ACVR2A: variants seen among roughly 807,000 people sequenced by gnomAD.
ACVR2A encodes the protein activin A receptor type 2A, also known as activin receptor type-2A.
ACVR2A carries 7 observed loss-of-function variants against 61.4 expected under a neutral mutation model. The ratio of observed to expected loss-of-function variants is 0.11; its 90% confidence interval spans 0.06 to 0.21. ACVR2A has a LOEUF of 0.21. Ranked by LOEUF, ACVR2A falls within the 10% of genes least tolerant of loss-of-function variation. The probability of loss-of-function intolerance (pLI) is 1.00; values close to 1 mark genes in which losing one functional copy is unlikely to be tolerated. For synonymous variants in ACVR2A, 193 were observed against 208.3 expected (o/e 0.93, Z 0.63); for missense variants, 322 against 621.7 (o/e 0.52, Z 5.13).
chr2:147,927,434 C>CT lies in ACVR2A; in HGVS notation c.*162dup, dbSNP rs982760973. On this transcript the variant is annotated 3_prime_UTR_variant, in exon 11 of 11. Coordinates refer to ENST00000241416, the MANE Select transcript of ACVR2A (RefSeq NM_001616.5). ...TGTTGAAAAATGTTGCTCTGGGAGA[C>CT]TTACTGCATTGCCGACAGCACAGAT... 63 of 668,748 alleles carry CT rather than the reference C, an allele frequency of 9.4e-5. No individual in the cohort carries two copies. The highest frequency in any genetic ancestry group is 4.2e-4 in the Admixed American group (12 of 28,694). 41.4% of individuals were successfully genotyped at this position (668,748 alleles called of 1,614,324 possible). A position where few individuals can be genotyped will look rare whatever the true frequency, so the allele number is the denominator to read the frequency against.
At chr2:147,859,288 G>T (rs1685665127) in intron 1 of ACVR2A, among the ~76,000 whole-genome samples, 1 of 151,984 alleles carries the variant, frequency 6.6e-6, no homozygotes, top group Admixed American at 6.6e-5. Flanking sequence ...ACCTGCTGGG[G>T]TTTGCATCCT....
intron 5 of ACVR2A, 60 bp from the exon 6 acceptor site, chr2:147,917,223 T>C (rs1687266676): frequency 7.8e-6 from 12 of 1,532,782 alleles, no homozygotes; most frequent in Middle Eastern, 1.7e-4. Context: ...TAATCTCTTA[T>C]GCATGGTTTA....
At chr2:147,905,688 A>G (rs1686972464) in intron 4 of ACVR2A, among the ~76,000 whole-genome samples, 1 of 152,014 alleles carries the variant, frequency 6.6e-6, no homozygotes, top group Non-Finnish European at 1.5e-5. Context: ...CTTACTTTAA[A>G]TATATACTTC....
At chr2:147,908,718 CAA>C (rs1276553070) in intron 4 of ACVR2A, among the ~76,000 whole-genome samples, 1 of 151,940 alleles carries the variant, frequency 6.6e-6, no homozygotes, top group Non-Finnish European at 1.5e-5. Flanking sequence ...TAAGAGGAAA[CAA>C]ATTCAGAATT....
At position 147,918,653 on chromosome 2, in the gene ACVR2A, C is replaced by A. The variant is rs941155519; in HGVS notation, c.962+61C>A. The A allele has an allele frequency of 9.9e-6, 14 of 1,420,106 alleles. No homozygotes were observed. The South Asian group carries it at 2.1e-4, about 22-fold the overall frequency. 88.0% of individuals were successfully genotyped at this position (1,420,106 alleles called of 1,614,324 possible). ...AGTATATATTTACTAAACTTTTAAG[C>A]CCCTGGGTAAATTTTAATTTTTCCT... On this transcript the variant is annotated intron_variant, in intron 7 of 10. Transcript: ENST00000241416.
chr2:147,875,467 T>C (rs532165304), intron 1 of ACVR2A, among the ~76,000 whole-genome samples: 1 of 152,150 alleles, frequency 6.6e-6, no homozygotes, highest in African/African-American at 2.4e-5. Context: ...ACATAACTAA[T>C]AGAATCTCTT....
At chr2:147,867,214 T>A (rs1573919730) in intron 1 of ACVR2A, among the ~76,000 whole-genome samples, 3 of 152,194 alleles carry the variant, frequency 2.0e-5, no homozygotes, top group East Asian at 3.9e-4. Flanking sequence ...AGTAGTGAAA[T>A]GTAGATGAGG....
At chr2:147,919,593 A>G (rs1313851603) in intron 7 of ACVR2A, among the ~76,000 whole-genome samples, 1 of 152,160 alleles carries the variant, frequency 6.6e-6, no homozygotes, top group Admixed American at 6.6e-5. Flanking sequence ...ACTAGGGTAT[A>G]GTAATCTCTA....
At chr2:147,849,669 A>G (rs549559493) in intron 1 of ACVR2A, among the ~76,000 whole-genome samples, 92 of 152,332 alleles carry the variant, frequency 6.0e-4, no homozygotes, top group South Asian at 2.9e-3. Flanking sequence ...GATAAGAATT[A>G]CAGTGAAACT....
At chr2:147,861,235 T>C (rs1198543980) in intron 1 of ACVR2A, among the ~76,000 whole-genome samples, 2 of 152,230 alleles carry the variant, frequency 1.3e-5, no homozygotes, top group South Asian at 2.1e-4. Context: ...AGTGAATGTA[T>C]TCACAATATT....
intron 1 of ACVR2A, among the ~76,000 whole-genome samples, chr2:147,873,999 TAGAG>T (rs1194821306): frequency 1.3e-5 from 2 of 151,858 alleles, no homozygotes; most frequent in Admixed American, 1.3e-4. Flanking sequence ...GCTAATATAG[TAGAG>T]AGGAAGAGTC....
chr2:147,848,382 A>G (rs1685368158), intron 1 of ACVR2A, among the ~76,000 whole-genome samples: 1 of 152,000 alleles, frequency 6.6e-6, no homozygotes, highest in South Asian at 2.1e-4. Context: ...ATCCCCATCC[A>G]TGGGACATTT....
intron 2 of ACVR2A, among the ~76,000 whole-genome samples, chr2:147,897,801 A>G (rs1254008404): frequency 1.3e-5 from 2 of 152,148 alleles, no homozygotes; most frequent in African/African-American, 4.8e-5. Context: ...AAGTATGTGA[A>G]TTTTCCAGGG....
chr2:147,925,888 T>G (rs1012315054), intron 9 of ACVR2A, 143 bp from the exon 10 acceptor site: 1 of 785,030 alleles, frequency 1.3e-6, no homozygotes, highest in Admixed American at 2.7e-5. Flanking sequence ...ATAAGTACAG[T>G]TGAGAGTCTG....
chr2:147,895,083 G>A (rs1558806060), intron 1 of ACVR2A, among the ~76,000 whole-genome samples: 1 of 152,022 alleles, frequency 6.6e-6, no homozygotes, highest in Non-Finnish European at 1.5e-5. Flanking sequence ...TAAAATATAT[G>A]TACAAACCAG....
intron 1 of ACVR2A, among the ~76,000 whole-genome samples, chr2:147,894,936 A>G (rs572187396): frequency 6.6e-6 from 1 of 152,140 alleles, no homozygotes; most frequent in Non-Finnish European, 1.5e-5. Context: ...GTGTCAGTCT[A>G]CACATATGTG....
rs138917994 is a variant in ACVR2A at position 147,899,804 on chromosome 2, T to G, written c.434T>G (p.Val145Gly). The change falls in exon 4 of 11, where the codon GTG becomes GGG. Residue 145 changes from valine to glycine, a missense_variant. By Grantham distance (109) the Val-to-Gly change is moderately radical (BLOSUM62 -3). Coordinates refer to ENST00000241416, the MANE Select transcript of ACVR2A (RefSeq NM_001616.5). Reference sequence around the variant, plus strand: ...TACAACATCCTGCTCTATTCCTTGGTGCCACTTATGTTAATTGCGGGGATT... The same window carrying G: ...TACAACATCCTGCTCTATTCCTTGGGGCCACTTATGTTAATTGCGGGGATT... Reference protein sequence around the residue: ...PYYNILLYSLVPLMLIAGIVI... With the variant: ...PYYNILLYSLGPLMLIAGIVI... 7 of 1,613,726 alleles carry G rather than the reference T, an allele frequency of 4.3e-6. No individual in the cohort carries two copies. In the African/African-American group the frequency reaches 9.3e-5, roughly 22 times the overall value.
intron 4 of ACVR2A, among the ~76,000 whole-genome samples, chr2:147,902,064 C>T (rs558986179): frequency 1.3e-5 from 2 of 151,918 alleles, no homozygotes; most frequent in East Asian, 3.9e-4. Context: ...TATATGGGAA[C>T]ATATAAAAAG....
At chr2:147,892,671 G>A (rs1686617191) in intron 1 of ACVR2A, among the ~76,000 whole-genome samples, 1 of 149,346 alleles carries the variant, frequency 6.7e-6, no homozygotes, top group Non-Finnish European at 1.5e-5. Context: ...GTCTCTTAAT[G>A]ATTGTTGTAG....
Sources: allele counts gnomAD v4.1 joint callset (sites outside exome capture counted in the v4.1 genomes callset), GRCh38; gene constraint gnomAD v4.1.1; transcripts MANE v1.5; gene names NCBI Gene and HGNC (gene_info 2026-07-23, HGNC 2026-07-21).